KCNH1: variants seen among roughly 807,000 people sequenced by gnomAD.
KCNH1 encodes the protein potassium voltage-gated channel subfamily H member 1, also known as voltage-gated delayed rectifier potassium channel KCNH1.
KCNH1 carries 27 observed loss-of-function variants against 69.2 expected under a neutral mutation model. The ratio of observed to expected loss-of-function variants is 0.39; its 90% CI spans 0.29 to 0.54. The LOEUF (loss-of-function observed/expected upper bound fraction) is 0.54, where lower values mean the gene tolerates loss of function less well. KCNH1 is among the 20% of genes least tolerant of loss of function. KCNH1 has a pLI of 0.68. For missense variants in KCNH1, 798 were observed against 1,261.6 expected, an observed-to-expected ratio of 0.63 and a Z score of 5.57; for synonymous variants, 456 against 487.7, an observed-to-expected ratio of 0.93 and a Z score of 0.86.
chr1:211,081,026 A>G (rs1367041336), intron 5 of KCNH1, among the ~76,000 whole-genome samples: 1 of 152,244 alleles, frequency 6.6e-6, no homozygotes, highest in Non-Finnish European at 1.5e-5. Context: ...CAGAGTGAAC[A>G]GGCAACCTAC....
At chr1:211,027,241 G>A (rs1392680100) in intron 5 of KCNH1, among the ~76,000 whole-genome samples, 5 of 152,026 alleles carry the variant, frequency 3.3e-5, no homozygotes, top group Admixed American at 6.6e-5. Flanking sequence ...GGAGATATAA[G>A]GAACCAAATG....
intron 6 of KCNH1, among the ~76,000 whole-genome samples, chr1:211,015,764 C>T (rs190780851): frequency 5.4e-4 from 82 of 152,306 alleles, no homozygotes; most frequent in Non-Finnish European, 1.5e-4. Flanking sequence ...AAATGATATG[C>T]ACAAGGATCC....
At chr1:210,886,466 C>G (rs1387167086) in intron 7 of KCNH1, among the ~76,000 whole-genome samples, 1 of 152,020 alleles carries the variant, frequency 6.6e-6, no homozygotes, top group African/African-American at 2.4e-5. Flanking sequence ...TCTGAAAATT[C>G]CAAAAACCAG....
At chr1:210,941,541 T>C (rs1228750333) in intron 6 of KCNH1, among the ~76,000 whole-genome samples, 1 of 152,026 alleles carries the variant, frequency 6.6e-6, no homozygotes, top group Non-Finnish European at 1.5e-5. Context: ...CTGGGCAGGG[T>C]GCTAAGGATT....
rs369824645 is a variant in KCNH1, at chr1:211,100,533, G to A, written c.310+2963C>T. Among the ~76,000 whole-genome samples, 60 of 152,240 alleles carry A rather than the reference G, an allele frequency of 3.9e-4. 1 individual carries two copies. The East Asian group carries it at 0.01, about 26-fold the overall frequency. ...CACCCAGCTAATTTTTGTATTTTTA[G>A]TAGATGGGGGTTTCACCATGTTGGC... On this transcript the variant is annotated intron_variant, in intron 3 of 10. Transcript: ENST00000271751.
chr1:211,042,610 A>G lies in KCNH1; in HGVS notation c.559-23354T>C, dbSNP rs527292013. On this transcript the variant is annotated intron_variant, in intron 5 of 10. Transcript: ENST00000271751. Reference sequence around the variant, plus strand: ...CAATGTATTTAAACTATACCCCGGAACAAATGGACTTAACAGATATTTACA... The same window carrying G: ...CAATGTATTTAAACTATACCCCGGAGCAAATGGACTTAACAGATATTTACA... 2.0e-5 allele frequency among the ~76,000 whole-genome samples: 3 copies of G among 152,362 alleles called. No individual in the cohort carries two copies. The East Asian group carries it at 5.8e-4, about 29-fold the overall frequency.
intron 10 of KCNH1, among the ~76,000 whole-genome samples, chr1:210,730,661 C>A (rs1015720705): frequency 1.3e-5 from 2 of 152,018 alleles, no homozygotes; most frequent in Non-Finnish European, 2.9e-5. Context: ...GGAGTCTGAG[C>A]GCACGGGAGG....
intron 9 of KCNH1, among the ~76,000 whole-genome samples, chr1:210,796,472 G>A (rs17260830): frequency 2.0e-5 from 3 of 151,980 alleles, no homozygotes; most frequent in African/African-American, 7.2e-5. Context: ...CCAATAAAGA[G>A]CTGTTGTCTA....
chr1:211,101,296 T>A (rs569202731), intron 3 of KCNH1, among the ~76,000 whole-genome samples: 1 of 147,798 alleles, frequency 6.8e-6, no homozygotes, highest in African/African-American at 2.5e-5. Flanking sequence ...TAAAAAGCTA[T>A]TGGAAAGACA....
intron 9 of KCNH1, among the ~76,000 whole-genome samples, chr1:210,789,740 A>G (rs1388235471): frequency 1.3e-5 from 2 of 152,268 alleles, no homozygotes; most frequent in Admixed American, 6.5e-5. Flanking sequence ...ATAACATGTT[A>G]GTGAAAACAC....
At chr1:210,809,108 G>C (rs1231699872) in intron 7 of KCNH1, among the ~76,000 whole-genome samples, 1 of 135,704 alleles carries the variant, frequency 7.4e-6, no homozygotes, top group Non-Finnish European at 1.6e-5. Context: ...CAGAAAGAAA[G>C]AAAGAAAAAA....
chr1:210,755,204 C>T (rs1389334715), intron 10 of KCNH1, among the ~76,000 whole-genome samples: 3 of 152,132 alleles, frequency 2.0e-5, no homozygotes, highest in Non-Finnish European at 4.4e-5. Flanking sequence ...CAGAATGCAG[C>T]TTTGCTAACA....
intron 1 of KCNH1, among the ~76,000 whole-genome samples, chr1:211,124,000 G>C (rs1691734705): frequency 6.6e-6 from 1 of 152,296 alleles, no homozygotes; most frequent in Admixed American, 6.5e-5. Flanking sequence ...TCAGGCTGGA[G>C]CACTGTCCCG....
In KCNH1 at chr1:210,985,419, T is replaced by C. The variant is rs188992496; in HGVS notation, c.1032+33364A>G. 2.8e-4 allele frequency among the ~76,000 whole-genome samples: 43 copies of C among 152,368 alleles called. 1 individual carries two copies. The highest frequency in any genetic ancestry group is 2.4e-3 in the Admixed American group (37 of 15,300). On this transcript the variant is annotated intron_variant, in intron 6 of 10. Transcript: ENST00000271751. ...TTTCCTGCTTTCTCTTGTGGGCATG[T>C]AGTGCTATAAATTTCCCTCTACACA... is the stretch of plus-strand genomic sequence containing the variant.
At chr1:210,949,640 T>C (rs1164587582) in intron 6 of KCNH1, among the ~76,000 whole-genome samples, 1 of 152,184 alleles carries the variant, frequency 6.6e-6, no homozygotes, top group Non-Finnish European at 1.5e-5. Flanking sequence ...CAGCACTTCA[T>C]AAATGCAATG....
intron 7 of KCNH1, among the ~76,000 whole-genome samples, chr1:210,879,750 G>C (rs61848969): frequency 0.053 from 8,049 of 152,074 alleles, 291 homozygotes; most frequent in Non-Finnish European, 0.083. Context: ...GAAGGTCCTA[G>C]CTAATGCAAT....
chr1:211,034,378 TAGAA>T (rs1458180162), intron 5 of KCNH1, among the ~76,000 whole-genome samples: 1 of 151,538 alleles, frequency 6.6e-6, no homozygotes, highest in African/African-American at 2.4e-5. Flanking sequence ...GACAAAATTA[TAGAA>T]AGAGACTTAG....
chr1:211,022,283 A>C (rs1331621538), intron 5 of KCNH1, among the ~76,000 whole-genome samples: 5 of 152,164 alleles, frequency 3.3e-5, no homozygotes, highest in African/African-American at 4.8e-5. Flanking sequence ...ATGCAGAAGA[A>C]TGAAATTAGA....
intron 7 of KCNH1, among the ~76,000 whole-genome samples, chr1:210,886,894 A>G (rs1424960606): frequency 6.6e-6 from 1 of 152,198 alleles, no homozygotes; most frequent in Non-Finnish European, 1.5e-5. Context: ...AAGTGGGACT[A>G]TGTGAAAAGA....
Sources: gnomAD v4.1 joint callset for allele counts (sites outside exome capture counted in the v4.1 genomes callset) on GRCh38, gnomAD v4.1.1 for gene constraint, MANE v1.5 for transcripts, NCBI Gene and HGNC (gene_info 2026-07-23, HGNC 2026-07-21) for gene names.